Variants in GDF10 observed in about 807,000 individuals in gnomAD.
GDF10 encodes the protein growth/differentiation factor 10.
In GDF10, 23 loss-of-function variants were observed where a neutral mutation model predicts 32.1. That is an observed-to-expected ratio of 0.72 (90% CI 0.52 to 1.02). The LOEUF is 1.02. Among genes scored for constraint, GDF10 ranks in the 50% least tolerant of loss-of-function variants. GDF10 has a pLI of 0.00. For synonymous variants in GDF10, 328 were observed against 303.1 expected, an observed-to-expected ratio of 1.08 and a Z score of -0.85; for missense variants, 764 against 673.9, an observed-to-expected ratio of 1.13 and a Z score of -1.48.
At chr10:47,303,324 G>A (rs912103265) in intron 1 of GDF10, among the ~76,000 whole-genome samples, 4 of 152,166 alleles carry the variant, frequency 2.6e-5, no homozygotes, top group South Asian at 2.1e-4. Context: ...CACAGCCTGC[G>A]ATACGTAACT....
At chr10:47,307,333 A>G (rs2061026624) in intron 1 of GDF10, among the ~76,000 whole-genome samples, 1 of 152,174 alleles carries the variant, frequency 6.6e-6, no homozygotes, top group Non-Finnish European at 1.5e-5. Context: ...GGCAGAGAAG[A>G]AAGAAGAGAG....
chr10:47,303,682 A>G (rs1407665200), intron 1 of GDF10, among the ~76,000 whole-genome samples: 2 of 152,116 alleles, frequency 1.3e-5, no homozygotes, highest in Non-Finnish European at 2.9e-5. Flanking sequence ...GGGAAAGCCT[A>G]TGAACCTGAC....
intron 1 of GDF10, 42 bp from the exon 2 acceptor site, chr10:47,309,754 G>T: frequency 7.1e-7 from 1 of 1,409,408 alleles, no homozygotes; most frequent in South Asian, 1.2e-5. Flanking sequence ...TCAGGAGCAC[G>T]AGCGAGAACT....
At chr10:47,312,475 C>G (rs1047129505) in intron 2 of GDF10, 126 bp from the exon 3 acceptor site, 24 of 500,652 alleles carry the variant, frequency 4.8e-5, no homozygotes, top group Non-Finnish European at 7.7e-5. Flanking sequence ...TAGGTGGATG[C>G]CTATTCTGTG....
intron 1 of GDF10, among the ~76,000 whole-genome samples, chr10:47,303,523 T>C (rs1555206997): frequency 2.0e-5 from 3 of 152,234 alleles, no homozygotes; most frequent in African/African-American, 7.2e-5. Flanking sequence ...TAATGGAAAC[T>C]GAGATATGTC....
At chr10:47,301,114 C>A in intron 1 of GDF10, 144 bp downstream of exon 1, 1 of 620,412 alleles carries the variant, frequency 1.6e-6, no homozygotes, top group Non-Finnish European at 2.6e-6. Context: ...ATTCACTGAT[C>A]TCTCCATGCC....
In GDF10 at chr10:47,300,708, G is replaced by GCTGCTGCCGTTGTTT. The variant is rs782667565; in HGVS notation, c.64_78dup (p.Pro22_Leu26dup). 6.3e-7 allele frequency: 1 copy of GCTGCTGCCGTTGTTT among 1,595,906 alleles called. No individual in the cohort carries two copies. The highest frequency in any genetic ancestry group is 8.5e-7 in the Non-Finnish European group (1 of 1,173,886). On this transcript the variant is annotated inframe_insertion, in exon 1 of 3. Transcript: ENST00000580279. ...GACCCGGGCCCCAGCTGCTGCTGCT[G>GCTGCTGCCGTTGTTT]CTGCTGCCGTTGTTTCTGCTGTTGC...
intron 1 of GDF10, among the ~76,000 whole-genome samples, chr10:47,304,594 A>ATATC (rs548068698): frequency 2.0e-3 from 312 of 152,200 alleles, no homozygotes; most frequent in African/African-American, 6.9e-3. Context: ...CATTCCAGCC[A>ATATC]TATCTATCTA....
At position 47,300,781 on chromosome 10, in the gene GDF10, C is replaced by T. The variant is rs1555206763; in HGVS notation, c.130C>T (p.Pro44Ser). The T allele has an allele frequency of 1.9e-6, 3 of 1,566,944 alleles. No individual in the cohort carries two copies. In the South Asian group the frequency reaches 3.4e-5, roughly 18 times the overall value. ...SHRAPAWSAL[P>S]AAADGLQGDR... Reference sequence around the variant, plus strand: ...CAGGGCCCCCGCCTGGTCCGCACTGCCCGCGGCCGCCGACGGCCTGCAGGG... The same window carrying T: ...CAGGGCCCCCGCCTGGTCCGCACTGTCCGCGGCCGCCGACGGCCTGCAGGG... Residue 44 changes from proline (P) to serine (S), a missense_variant, in exon 1 of 3, where the codon CCC (proline) becomes TCC (serine). Coordinates refer to ENST00000580279, the MANE Select transcript of GDF10 (RefSeq NM_004962.5).
Position 47,310,635 on chromosome 10 carries a change from G to T in GDF10, c.1159G>T (p.Asp387Tyr). 1.2e-6 allele frequency: 2 copies of T among 1,614,166 alleles called. No individual in the cohort carries two copies. Among genetic ancestry groups the T allele is most frequent in the South Asian group, 1.1e-5 (1 of 91,084 alleles). ...SRRYLKVDFA[D>Y]IGWNEWIISP... ...GAGGTACCTGAAGGTGGACTTCGCA[G>T]ACATCGGCTGGAATGAATGGATAAT... The change falls in exon 2 of 3, where the codon GAC (aspartate) becomes TAC (tyrosine). Residue 387 changes from aspartate to tyrosine, a missense_variant. Physicochemically the swap from Asp to Tyr is radical, Grantham distance 160 (BLOSUM62 -3). Transcript: ENST00000580279.
At position 47,309,804 on chromosome 10, in the gene GDF10, G is replaced by A; in HGVS notation, c.328G>A (p.Asp110Asn). ...CTCTCCTTCCCTCACAGAAGTGGTC[G>A]ACCAGAAGGCCGTGTATTTCTTCAA... is the stretch of plus-strand genomic sequence containing the variant. ...RSFRARLEVV[D>N]QKAVYFFNLT... Residue 110 changes from aspartate (D) to asparagine (N), a missense_variant, in exon 2 of 3, where the codon GAC becomes AAC. Transcript: ENST00000580279. The A allele has an allele frequency of 1.2e-6, 2 of 1,605,034 alleles. No individual in the cohort carries two copies. The highest frequency in any genetic ancestry group is 1.7e-6 in the Non-Finnish European group (2 of 1,173,578).
At chr10:47,307,840 A>AC (rs1555207261) in intron 1 of GDF10, among the ~76,000 whole-genome samples, 22 of 152,258 alleles carry the variant, frequency 1.4e-4, no homozygotes, top group African/African-American at 4.8e-4. Flanking sequence ...CAGTTGATGG[A>AC]GGGGAGCTTG....
chr10:47,303,604 C>T (rs2061012188), intron 1 of GDF10, among the ~76,000 whole-genome samples: 1 of 152,084 alleles, frequency 6.6e-6, no homozygotes, highest in Admixed American at 6.5e-5. Context: ...ATATACCAGC[C>T]ACCCCTTCCT....
chr10:47,307,496 G>A (rs565639633), intron 1 of GDF10, among the ~76,000 whole-genome samples: 14 of 152,282 alleles, frequency 9.2e-5, no homozygotes, highest in African/African-American at 2.9e-4. Context: ...CCTGCACTGC[G>A]TACATGCAGA....
chr10:47,300,635 G>T lies in GDF10; in HGVS notation c.-17G>T. ...TCCTCCTCCTGGACTTCGGCCCTTT[G>T]CCGCCCTCACCACGCCATGGCTCAT... is the stretch of plus-strand genomic sequence containing the variant. On this transcript the variant is annotated 5_prime_UTR_variant, in exon 1 of 3. Coordinates refer to ENST00000580279, the MANE Select transcript of GDF10 (RefSeq NM_004962.5). The T allele has an allele frequency of 6.3e-7, 1 of 1,577,254 alleles. No individual in the cohort carries two copies. The highest frequency in any genetic ancestry group is 1.2e-5 in the South Asian group (1 of 86,900).
At position 47,300,591 on chromosome 10, in the gene GDF10, G is replaced by T. The variant is rs779128287; in HGVS notation, c.-61G>T. ...GCCGCGAGGTCAGTCCGCAGCCTCC[G>T]GTGCGCCAGCGCTCGCCTTCCTCCT... On this transcript the variant is annotated 5_prime_UTR_variant, in exon 1 of 3. Transcript: ENST00000580279. 37 of 1,471,678 alleles carry T rather than the reference G, an allele frequency of 2.5e-5. No individual in the cohort carries two copies. Among genetic ancestry groups the T allele is most frequent in the Non-Finnish European group, 3.2e-5 (35 of 1,098,224 alleles). 91.2% of individuals were successfully genotyped at this position (1,471,678 alleles called of 1,614,324 possible).
intron 1 of GDF10, among the ~76,000 whole-genome samples, chr10:47,302,878 G>A (rs2061009492): frequency 6.6e-6 from 1 of 152,238 alleles, no homozygotes; most frequent in South Asian, 2.1e-4. Flanking sequence ...TTGGAAGCCT[G>A]AGGCACATTT....
At chr10:47,306,272 G>A (rs1401797395) in intron 1 of GDF10, among the ~76,000 whole-genome samples, 3 of 152,184 alleles carry the variant, frequency 2.0e-5, no homozygotes, top group African/African-American at 4.8e-5. Flanking sequence ...GAGGCTCAAG[G>A]GGAAGTCTGG....
chr10:47,301,350 C>A (rs1555206838), intron 1 of GDF10, among the ~76,000 whole-genome samples: 1 of 152,236 alleles, frequency 6.6e-6, no homozygotes, highest in Admixed American at 6.5e-5. Context: ...ACATAGGCAG[C>A]CCTGCAGAAG....
Sources: allele counts gnomAD v4.1 joint callset (sites outside exome capture counted in the v4.1 genomes callset), GRCh38; gene constraint gnomAD v4.1.1; transcripts MANE v1.5; gene names NCBI Gene and HGNC (gene_info 2026-07-23, HGNC 2026-07-21).